SPDYE21: variants seen among roughly 807,000 people sequenced by gnomAD.
SPDYE21 encodes the protein speedy protein E21.
Under a neutral mutation model 36.2 loss-of-function variants are expected in SPDYE21, and 14 were observed. The observed-to-expected ratio is 0.39, with a 90% CI of 0.26 to 0.61. SPDYE21 has a LOEUF of 0.61. Among genes scored for constraint, SPDYE21 ranks in the 20% least tolerant of loss-of-function variants. The pLI is 0.55. For missense variants in SPDYE21, 233 were observed against 424.6 expected (o/e 0.55, Z 3.97); for synonymous variants, 58 against 155.1 (o/e 0.37, Z 4.65).
At chr7:67,281,122 A>G (rs1458393811) in intron 3 of SPDYE21, among the ~76,000 whole-genome samples, 6,498 of 119,584 alleles carry the variant, frequency 0.054, 85 homozygotes, top group East Asian at 0.24. Flanking sequence ...AAAAAAAAAA[A>G]AAGGGACTCA....
At chr7:67,278,265 T>G (rs1266828504) in intron 1 of SPDYE21, among the ~76,000 whole-genome samples, 27 bp from the exon 2 acceptor site, 2 of 134,074 alleles carry the variant, frequency 1.5e-5, no homozygotes. Flanking sequence ...CTAGTTTTCT[T>G]TCCCACTCTG....
In SPDYE21 at chr7:67,283,374, C is replaced by T. The variant is rs534037561; in HGVS notation, c.670-539C>T. 6.6e-5 allele frequency among the ~76,000 whole-genome samples: 10 copies of T among 152,354 alleles called. No homozygotes were observed. The East Asian group carries it at 1.9e-3, about 29-fold the overall frequency. On this transcript the variant is annotated intron_variant, in intron 5 of 8. Coordinates refer to ENST00000424157, the MANE Select transcript of SPDYE21 (RefSeq NM_001382715.2). Reference sequence around the variant, plus strand: ...CTCAAACTGTTGGGCTCACGTGATCCTCCTGACTCCACCTCTCAAAAAGTA... The same window carrying T: ...CTCAAACTGTTGGGCTCACGTGATCTTCCTGACTCCACCTCTCAAAAAGTA...
intron 1 of SPDYE21, among the ~76,000 whole-genome samples, chr7:67,277,485 A>G (rs3980823): frequency 0.038 from 5,829 of 151,766 alleles, 171 homozygotes; most frequent in Middle Eastern, 0.062. Flanking sequence ...GCAAGATCAT[A>G]GCTCACTGCA....
At chr7:67,277,440 A>G (rs3980796) in intron 1 of SPDYE21, among the ~76,000 whole-genome samples, 1 of 151,976 alleles carries the variant, frequency 6.6e-6, no homozygotes, top group African/African-American at 2.4e-5. Context: ...TTTTGACACA[A>G]TATCTTGCTG....
At chr7:67,286,930 G>A (rs1397447622) in intron 8 of SPDYE21, among the ~76,000 whole-genome samples, 1 of 152,326 alleles carries the variant, frequency 6.6e-6, no homozygotes, top group African/African-American at 2.4e-5. Flanking sequence ...GGGCGACAGA[G>A]TGAGACCCTG....
rs1183193056 is a variant in SPDYE21, at chr7:67,283,940, T to G, written c.697T>G (p.Phe233Val). 2.4e-5 allele frequency: 38 copies of G among 1,587,840 alleles called. No homozygotes were observed. The Admixed American group carries it at 6.3e-4, about 27-fold the overall frequency. The change falls in exon 6 of 9, where the codon TTC becomes GTC. Residue 233 changes from phenylalanine to valine, a missense_variant. This residue lies in a region of SPDYE21 where 24 missense variants were observed against 59.2 expected (regional missense o/e 0.41). Coordinates refer to ENST00000424157, the MANE Select transcript of SPDYE21 (RefSeq NM_001382715.2). The stretch of plus-strand genomic sequence containing the variant: ...TCTCCTGGCTATGGTCATAGTGTAT[T>G]TCAGCCGGGCCGGCCTCCCCTCCTG... ...KYLLAMVIVY[F>V]SRAGLPSWQY...
chr7:67,285,057 A>G (rs113098436), intron 6 of SPDYE21, among the ~76,000 whole-genome samples: 6,841 of 151,988 alleles, frequency 0.045, 472 homozygotes, highest in African/African-American at 0.16. Context: ...GTTCACCCAC[A>G]GCCTCTGTGA....
chr7:67,277,760 T>G (rs1022699053), intron 1 of SPDYE21, among the ~76,000 whole-genome samples: 2 of 149,140 alleles, frequency 1.3e-5, no homozygotes, highest in Non-Finnish European at 3.0e-5. Context: ...ACATGTGATA[T>G]TTTATTCATA....
chr7:67,282,551 C>G (rs537943201), intron 4 of SPDYE21, 84 bp from the exon 5 acceptor site: 8 of 1,590,628 alleles, frequency 5.0e-6, no homozygotes, highest in East Asian at 2.2e-5. Context: ...GACTTCCCCC[C>G]GGGAGGCACA....
In SPDYE21 at chr7:67,281,415, TGGAAAA is replaced by T; in HGVS notation, c.426_431del (p.Lys144_Arg145del). On this transcript the variant is annotated inframe_deletion, in exon 4 of 9. Transcript: ENST00000424157. ...CAGCCCCCCGCATAGGTCCTTTTGC[TGGAAAA>T]GGAAGAGGGAGTGGTGGGACGAATC... 1 of 1,585,390 alleles carries T rather than the reference TGGAAAA, an allele frequency of 6.3e-7. No homozygotes were observed. Among genetic ancestry groups the T allele is most frequent in the South Asian group, 1.1e-5 (1 of 90,006 alleles).
At chr7:67,281,933 C>T (rs1396592670) in intron 4 of SPDYE21, among the ~76,000 whole-genome samples, 18 of 152,146 alleles carry the variant, frequency 1.2e-4, no homozygotes, top group African/African-American at 4.3e-4. Flanking sequence ...GACTACACCA[C>T]TGCACTCCAG....
rs1802605059 is a variant in SPDYE21 at position 67,280,034 on chromosome 7, T to C, written c.377T>C (p.Leu126Pro). The change falls in exon 3 of 9, where the codon CTT (leucine) becomes CCT (proline). Residue 126 changes from leucine (L) to proline (P), a missense_variant and splice_region_variant. By Grantham distance (98) the Leu-to-Pro change is moderately conservative (BLOSUM62 -3). This residue lies in a region of SPDYE21 where 68 missense variants were observed against 87.6 expected (regional missense o/e 0.78). Transcript: ENST00000424157. The stretch of plus-strand genomic sequence containing the variant: ...CACCACAAGGACTTCAACAGTCAGC[T>C]TGGTAGGAGGACACCCCAGAGAGCA... ...PEHHKDFNSQ[L>P]APGVDPSPPH... is the part of the protein sequence containing the mutation. 2 of 1,583,828 alleles carry C rather than the reference T, an allele frequency of 1.3e-6. No homozygotes were observed. The highest frequency in any genetic ancestry group is 2.7e-5 in the African/African-American group (2 of 73,386).
At chr7:67,281,096 CAACAAAAAAA>C (rs1802626794) in intron 3 of SPDYE21, among the ~76,000 whole-genome samples, 1 of 63,552 alleles carries the variant, frequency 1.6e-5, no homozygotes, top group African/African-American at 5.6e-5. Context: ...ACAACAACAA[CAACAAAAAAA>C]AAAAAAAAAA....
intron 5 of SPDYE21, among the ~76,000 whole-genome samples, chr7:67,283,649 G>A (rs1172255215): frequency 2.0e-5 from 3 of 152,114 alleles, no homozygotes; most frequent in Admixed American, 1.3e-4. Flanking sequence ...GACACCAGCC[G>A]ACCCAGACAC....
intron 2 of SPDYE21, among the ~76,000 whole-genome samples, chr7:67,279,565 A>G (rs1802596072): frequency 1.3e-5 from 2 of 152,120 alleles, no homozygotes; most frequent in African/African-American, 4.8e-5. Context: ...AAACAAAACA[A>G]AAAAGGAGGG....
At chr7:67,281,114 A>G (rs559699207) in intron 3 of SPDYE21, among the ~76,000 whole-genome samples, 1 of 144,072 alleles carries the variant, frequency 6.9e-6, no homozygotes, top group South Asian at 2.2e-4. Flanking sequence ...AAAAAAAAAA[A>G]AAAAAAAAAA....
chr7:67,279,720 G>A (rs1202026655), intron 2 of SPDYE21, 98 bp from the exon 3 acceptor site: 10 of 1,592,898 alleles, frequency 6.3e-6, no homozygotes, highest in African/African-American at 2.7e-5. Flanking sequence ...AGCAGTCTGC[G>A]AGGCTGGGGA....
Position 67,288,515 on chromosome 7 carries a change from TTAAA to T in SPDYE21, c.*1046_*1049del, listed in dbSNP as rs1156662364. Among the ~76,000 whole-genome samples the T allele has an allele frequency of 6.8e-6, 1 of 147,568 alleles. No individual in the cohort carries two copies. Among genetic ancestry groups the T allele is most frequent in the Non-Finnish European group, 1.5e-5 (1 of 66,654 alleles). ...TATTTATTTAAATATTATTATTACT[TTAAA>T]TATTATTTTAAATATTTTGGAAATA... On this transcript the variant is annotated 3_prime_UTR_variant, in exon 9 of 9. Transcript: ENST00000424157.
At chr7:67,280,152 G>A (rs528595489) in intron 3 of SPDYE21, 116 bp downstream of exon 3, 31 of 1,488,008 alleles carry the variant, frequency 2.1e-5, no homozygotes, top group African/African-American at 5.6e-5. Flanking sequence ...AGCTCTCCAC[G>A]CAGGAGGACT....
Sources: allele counts gnomAD v4.1 joint callset (sites outside exome capture counted in the v4.1 genomes callset), GRCh38; gene constraint gnomAD v4.1.1; regional missense constraint gnomAD v4.1.1; transcripts MANE v1.5; gene names NCBI Gene and HGNC (gene_info 2026-07-23, HGNC 2026-07-21).